The following ERI1 variants were observed in gnomAD, a reference collection of about 807,000 sequenced individuals.
The protein encoded by ERI1 is 3'-5' exoribonuclease 1.
ERI1 carries 39 observed loss-of-function variants against 39.7 expected under a neutral mutation model. The observed-to-expected ratio is 0.98, with a 90% CI of 0.76 to 1.28. The LOEUF is 1.28. ERI1 is among the 50% of genes most tolerant of loss of function. The pLI, the probability that ERI1 is intolerant of heterozygous loss-of-function variation, is 0.00. For missense variants in ERI1, 581 were observed against 416.9 expected (o/e 1.39, Z -3.43); for synonymous variants, 204 against 149.6 (o/e 1.36, Z -2.65).
Position 9,049,466 on chromosome 8 carries a change from T to C in ERI1, n.299+29002T>C, listed in dbSNP as rs542767722. ...GTTGCTGAGGTTGGGGTGAAGGGAG[T>C]GCGGGGAGTCCTGCAACTAGACCTT... On this transcript the variant is annotated intron_variant and non_coding_transcript_variant, in intron 3 of 3. Transcript: ENST00000518663. Among the ~76,000 whole-genome samples, 21 of 148,678 alleles carry C rather than the reference T, an allele frequency of 1.4e-4. No homozygotes were observed. The East Asian group carries it at 3.0e-3, about 21-fold the overall frequency.
At chr8:9,090,813 G>A (rs1799679292) in intron 3 of ERI1, among the ~76,000 whole-genome samples, 2 of 152,178 alleles carry the variant, frequency 1.3e-5, no homozygotes, top group South Asian at 4.1e-4. Context: ...GAACTTTCCA[G>A]TATAATTGCA....
intron 3 of ERI1, among the ~76,000 whole-genome samples, chr8:9,051,321 G>A (rs1798348693): frequency 6.6e-6 from 1 of 151,992 alleles, no homozygotes; most frequent in Non-Finnish European, 1.5e-5. Flanking sequence ...TGGTGAGGGG[G>A]CTGAAACTGC....
Position 9,031,258 on chromosome 8 carries a change from T to C in ERI1, c.*1224T>C, listed in dbSNP as rs1484514976. 11 of 152,300 alleles carry C rather than the reference T, an allele frequency of 7.2e-5. No individual in the cohort carries two copies. The highest frequency in any genetic ancestry group is 2.9e-5 in the Non-Finnish European group (2 of 68,012). The allele number at this position is 152,300 out of a possible 1,614,324, so 9.4% of individuals were successfully genotyped here. A position where few individuals can be genotyped will look rare whatever the true frequency, so the allele number is the denominator to read the frequency against. On this transcript the variant is annotated 3_prime_UTR_variant, in exon 7 of 7. Transcript: ENST00000250263. ...TTCCTCAAAGGTTTCCAAACCTATA[T>C]CATATAGGGTGAAAAGCAGGAAAGT...
chr8:9,072,161 C>T (rs1346601099), intron 3 of ERI1, among the ~76,000 whole-genome samples: 1 of 152,140 alleles, frequency 6.6e-6, no homozygotes, highest in Non-Finnish European at 1.5e-5. Flanking sequence ...GTAGTTCTTT[C>T]CCTAACGTTT....
At chr8:9,006,826 T>C (rs1164850224) in intron 1 of ERI1, among the ~76,000 whole-genome samples, 1 of 152,158 alleles carries the variant, frequency 6.6e-6, no homozygotes, top group Admixed American at 6.5e-5. Flanking sequence ...TAGCATTACA[T>C]TTCCAGTAAA....
chr8:9,099,612 AAAAG>A lies in ERI1; in HGVS notation n.300-16728_300-16725del, dbSNP rs1164681654. 1.0e-3 allele frequency among the ~76,000 whole-genome samples: 152 copies of A among 151,818 alleles called. 1 individual carries two copies. The highest frequency in any genetic ancestry group is 1.9e-3 in the Non-Finnish European group (129 of 67,910). Reference sequence around the variant, plus strand: ...ACTCTCTCTCTCAAAAAAAAAAAAAAAAAGAAAGAAACAGAAACCCCAACCAAAT... The same window carrying A: ...ACTCTCTCTCTCAAAAAAAAAAAAAAAAAGAAACAGAAACCCCAACCAAAT... On this transcript the variant is annotated intron_variant and non_coding_transcript_variant, in intron 3 of 3. Transcript: ENST00000518663.
At chr8:9,029,736 C>A (rs1797451416) in intron 6 of ERI1, 56 bp from the exon 7 acceptor site, 2 of 1,589,902 alleles carry the variant, frequency 1.3e-6, no homozygotes, top group East Asian at 4.5e-5. Flanking sequence ...TTAACTGTGG[C>A]TTATATTACA....
intron 3 of ERI1, among the ~76,000 whole-genome samples, chr8:9,099,259 G>A (rs73526352): frequency 0.053 from 8,034 of 151,976 alleles, 657 homozygotes; most frequent in African/African-American, 0.17. Flanking sequence ...AGTAAGATTT[G>A]AACTCCAATG....
intron 3 of ERI1, among the ~76,000 whole-genome samples, chr8:9,094,905 G>A (rs1430067430): frequency 3.9e-5 from 6 of 152,110 alleles, no homozygotes; most frequent in Non-Finnish European, 7.3e-5. Context: ...TATGTGTTAC[G>A]GGGGTTGGGA....
At chr8:9,048,384 C>T (rs763512233) in intron 3 of ERI1, 6 of 154,390 alleles carry the variant, frequency 3.9e-5, no homozygotes, top group Non-Finnish European at 8.8e-5. Context: ...GAATTTCCCT[C>T]CTGGCACATT....
At chr8:9,061,921 G>A (rs543325115) in intron 3 of ERI1, among the ~76,000 whole-genome samples, 1 of 152,048 alleles carries the variant, frequency 6.6e-6, no homozygotes, top group Admixed American at 6.5e-5. Context: ...AAGAAAGCAT[G>A]TTTGAGATCC....
chr8:9,008,232 A>G (rs1816254530), intron 2 of ERI1, 84 bp downstream of exon 2: 1 of 1,176,248 alleles, frequency 8.5e-7, no homozygotes, highest in Non-Finnish European at 1.2e-6. Flanking sequence ...ATTAAAAATC[A>G]TCTGTAATCC....
chr8:9,087,524 G>A (rs1166622226), intron 3 of ERI1, among the ~76,000 whole-genome samples: 2 of 149,162 alleles, frequency 1.3e-5, no homozygotes, highest in African/African-American at 2.5e-5. Context: ...CTAAAGTGCT[G>A]GGATTACAGG....
At chr8:9,039,246 A>C (rs1417599674) in intron 3 of ERI1, among the ~76,000 whole-genome samples, 1 of 152,112 alleles carries the variant, frequency 6.6e-6, no homozygotes. Context: ...AGGATATAAT[A>C]CTCTTGGCAC....
chr8:9,063,941 G>A (rs1158613393), intron 3 of ERI1, among the ~76,000 whole-genome samples: 4 of 152,028 alleles, frequency 2.6e-5, no homozygotes, highest in African/African-American at 7.2e-5. Flanking sequence ...GTTGCCCATA[G>A]TGAAGGAGGC....
At chr8:9,053,271 C>T (rs1798413226) in intron 3 of ERI1, among the ~76,000 whole-genome samples, 1 of 152,200 alleles carries the variant, frequency 6.6e-6, no homozygotes, top group South Asian at 2.1e-4. Flanking sequence ...CCTGCCTTGG[C>T]CTCTCAAATT....
rs1445624521 is a variant in ERI1, at chr8:9,032,527, A to T, written c.*2493A>T. On this transcript the variant is annotated 3_prime_UTR_variant, in exon 7 of 7. Coordinates refer to ENST00000250263, the MANE Select transcript of ERI1 (RefSeq NM_153332.4). Reference sequence around the variant, plus strand: ...ATGTGTCTTTGTTGCCTTGAGATAGATCCATTTATCCTGCCTCCTAGGGAG... The same window carrying T: ...ATGTGTCTTTGTTGCCTTGAGATAGTTCCATTTATCCTGCCTCCTAGGGAG... 1.3e-5 allele frequency: 2 copies of T among 152,168 alleles called. No homozygotes were observed. Among genetic ancestry groups the T allele is most frequent in the East Asian group, 1.9e-4 (1 of 5,196 alleles). The allele number at this position is 152,168 out of a possible 1,614,324, so 9.4% of individuals were successfully genotyped here. A position where few individuals can be genotyped will look rare whatever the true frequency, so the allele number is the denominator to read the frequency against.
At chr8:9,068,618 C>T (rs1229965310) in intron 3 of ERI1, among the ~76,000 whole-genome samples, 1 of 152,094 alleles carries the variant, frequency 6.6e-6, no homozygotes, top group Non-Finnish European at 1.5e-5. Flanking sequence ...CTTTAGGGTC[C>T]TCATATCCAT....
intron 3 of ERI1, among the ~76,000 whole-genome samples, chr8:9,081,146 G>T (rs13274593): frequency 0.29 from 43,506 of 152,042 alleles, 6,680 homozygotes; most frequent in Non-Finnish European, 0.35. Context: ...CAGATCTCTT[G>T]AGAACCCACT....
Sources: allele counts gnomAD v4.1 joint callset (sites outside exome capture counted in the v4.1 genomes callset), GRCh38; gene constraint gnomAD v4.1.1; transcripts MANE v1.5; gene names NCBI Gene and HGNC (gene_info 2026-07-23, HGNC 2026-07-21).